Variants in NLGN4X observed in about 807,000 individuals in gnomAD.
The protein encoded by NLGN4X is neuroligin-4, X-linked.
Under a neutral mutation model 40.3 loss-of-function variants are expected in NLGN4X, and 3 were observed. The ratio of observed to expected loss-of-function variants is 0.07; its 90% CI spans 0.03 to 0.19. NLGN4X has a LOEUF of 0.19. NLGN4X is among the 10% of genes least tolerant of loss of function. NLGN4X has a pLI of 1.00. For missense variants in NLGN4X, 382 were observed against 708.3 expected (o/e 0.54, Z 5.23); for synonymous variants, 270 against 306.8 (o/e 0.88, Z 1.25).
In NLGN4X at chrX:6,128,565, GAAAAC is replaced by G. The variant is rs778627500; in HGVS notation, c.472+22425_472+22429del. 2.1e-3 allele frequency among the ~76,000 whole-genome samples: 239 copies of G among 111,857 alleles called. 2 individuals are homozygous for G. Among genetic ancestry groups the G allele is most frequent in the African/African-American group, 7.2e-3 (221 of 30,757 alleles). On this transcript the variant is annotated intron_variant, in intron 2 of 5. Transcript: ENST00000381095. ...ATTTTGGTTACTTAATGGAGGAATA[GAAAAC>G]AAAACAAAATATCACATGTTCTCGC...
At chrX:5,916,951 T>G (rs2032825379) in intron 3 of NLGN4X, among the ~76,000 whole-genome samples, 1 of 112,514 alleles carries the variant, frequency 8.9e-6, no homozygotes. Context: ...AATTCATTAC[T>G]GGGAATCCAA....
chrX:6,058,023 A>G (rs984923081), intron 2 of NLGN4X, among the ~76,000 whole-genome samples: 10 of 111,688 alleles, frequency 9.0e-5, no homozygotes, highest in Non-Finnish European at 1.9e-5. Context: ...ATATCATAAA[A>G]ATACGTCATA....
intron 1 of NLGN4X, among the ~76,000 whole-genome samples, chrX:6,167,993 T>C (rs192526959): frequency 8.9e-6 from 1 of 112,281 alleles, no homozygotes; most frequent in African/African-American, 3.2e-5. Flanking sequence ...TGGATCTTTC[T>C]TTCACTACAG....
intron 4 of NLGN4X, among the ~76,000 whole-genome samples, chrX:5,907,582 G>T (rs1418800379): frequency 9.0e-6 from 1 of 111,581 alleles, no homozygotes; most frequent in Non-Finnish European, 1.9e-5. Context: ...TCTGGTTGAG[G>T]TAACATGATG....
At chrX:6,206,081 G>A (rs1924009588) in intron 1 of NLGN4X, among the ~76,000 whole-genome samples, 1 of 106,227 alleles carries the variant, frequency 9.4e-6, no homozygotes, top group Non-Finnish European at 1.9e-5. Context: ...TGAGGGAAGG[G>A]AAACCCAACT....
At chrX:6,111,831 A>C (rs751034645) in intron 2 of NLGN4X, among the ~76,000 whole-genome samples, 1 of 111,851 alleles carries the variant, frequency 8.9e-6, no homozygotes, top group Admixed American at 9.5e-5. Context: ...CAGACTAAAA[A>C]ATATCCCTAT....
At chrX:6,112,751 C>T (rs1470901410) in intron 2 of NLGN4X, among the ~76,000 whole-genome samples, 1 of 109,288 alleles carries the variant, frequency 9.2e-6, no homozygotes, top group Non-Finnish European at 1.9e-5. Context: ...ACCCGGCCTC[C>T]TGCTTTCTTA....
At chrX:6,223,375 T>G (rs1161773923) in intron 1 of NLGN4X, among the ~76,000 whole-genome samples, 1 of 111,399 alleles carries the variant, frequency 9.0e-6, no homozygotes, top group Non-Finnish European at 1.9e-5. Flanking sequence ...ACCACCAACC[T>G]TCCACTCCCG....
intron 5 of NLGN4X, among the ~76,000 whole-genome samples, chrX:5,896,745 C>T (rs965112250): frequency 1.8e-5 from 2 of 112,140 alleles, no homozygotes; most frequent in African/African-American, 3.2e-5. Context: ...TTAAGTAGTA[C>T]AGGTTTTCCT....
chrX:5,939,849 C>T (rs953937908), intron 3 of NLGN4X, among the ~76,000 whole-genome samples: 4 of 111,422 alleles, frequency 3.6e-5, no homozygotes, highest in Admixed American at 9.5e-5. Flanking sequence ...GTGGTGTATC[C>T]GCAAATTGCC....
intron 2 of NLGN4X, among the ~76,000 whole-genome samples, chrX:6,033,954 C>T (rs1384738965): frequency 8.9e-6 from 1 of 112,219 alleles, no homozygotes; most frequent in African/African-American, 3.2e-5. Flanking sequence ...CTAGGATAAG[C>T]GGATTAAGGC....
chrX:5,947,255 G>A (rs918733953), intron 3 of NLGN4X, among the ~76,000 whole-genome samples: 1 of 111,749 alleles, frequency 8.9e-6, no homozygotes, highest in African/African-American at 3.3e-5. Flanking sequence ...TTACGGAATG[G>A]CCACACTGCT....
chrX:6,120,846 G>C (rs2039406777), intron 2 of NLGN4X, among the ~76,000 whole-genome samples: 1 of 111,582 alleles, frequency 9.0e-6, no homozygotes, highest in Admixed American at 9.6e-5. Context: ...TAAAAAGCGT[G>C]AACAAGAATA....
intron 2 of NLGN4X, among the ~76,000 whole-genome samples, chrX:6,131,473 C>T (rs942099402): frequency 8.9e-6 from 1 of 111,864 alleles, no homozygotes; most frequent in African/African-American, 3.3e-5. Flanking sequence ...GGCCAATCAC[C>T]CCTCTGCAGA....
chrX:5,999,358 T>C (rs772903699), intron 3 of NLGN4X, among the ~76,000 whole-genome samples: 1 of 112,311 alleles, frequency 8.9e-6, no homozygotes, highest in South Asian at 3.6e-4. Flanking sequence ...CAAAAAGCTG[T>C]CAATCATCTT....
intron 1 of NLGN4X, among the ~76,000 whole-genome samples, chrX:6,183,343 C>T (rs894064937): frequency 3.6e-5 from 4 of 111,080 alleles, no homozygotes; most frequent in East Asian, 5.7e-4. Context: ...GTCAGGAGAT[C>T]GAGACCATCC....
At chrX:6,171,486 T>A (rs1448939486) in intron 1 of NLGN4X, among the ~76,000 whole-genome samples, 1 of 112,007 alleles carries the variant, frequency 8.9e-6, no homozygotes, top group Non-Finnish European at 1.9e-5. Flanking sequence ...TTCCTTGGAT[T>A]CCCCATCTTT....
At chrX:6,139,097 A>G (rs1472660153) in intron 2 of NLGN4X, among the ~76,000 whole-genome samples, 1 of 111,933 alleles carries the variant, frequency 8.9e-6, no homozygotes, top group Non-Finnish European at 1.9e-5. Flanking sequence ...AAATAGTATT[A>G]TAACTTGATT....
At chrX:6,085,189 T>C (rs760800266) in intron 2 of NLGN4X, among the ~76,000 whole-genome samples, 4 of 110,073 alleles carry the variant, frequency 3.6e-5, no homozygotes, top group Non-Finnish European at 7.6e-5. Context: ...GCTGGAAGGA[T>C]ACTCAGTACT....
Sources: allele counts gnomAD v4.1 joint callset (sites outside exome capture counted in the v4.1 genomes callset), GRCh38; gene constraint gnomAD v4.1.1; transcripts MANE v1.5; gene names NCBI Gene and HGNC (gene_info 2026-07-23, HGNC 2026-07-21).